COMMD1: variants seen among roughly 807,000 people sequenced by gnomAD.
The protein encoded by COMMD1 is copper metabolism domain containing 1.
COMMD1 carries 10 observed loss-of-function variants against 17.2 expected under a neutral mutation model. That is an observed-to-expected ratio of 0.58 (90% CI 0.36 to 0.99). COMMD1 has a LOEUF of 0.99. COMMD1 is among the 50% of genes least tolerant of loss of function. The pLI is 0.01. For missense variants in COMMD1, 270 were observed against 231.8 expected (o/e 1.17, Z -1.07); for synonymous variants, 97 against 91.6 (o/e 1.06, Z -0.34).
At chr2:61,979,705 C>A (rs777649195) in intron 1 of COMMD1, among the ~76,000 whole-genome samples, 1 of 151,990 alleles carries the variant, frequency 6.6e-6, no homozygotes, top group Non-Finnish European at 1.5e-5. Flanking sequence ...TTCTCTGTAT[C>A]CTCACCAGAA....
chr2:61,915,709 G>A (rs758676285), intron 1 of COMMD1: 19 of 453,134 alleles, frequency 4.2e-5, no homozygotes, highest in African/African-American at 2.4e-4. Flanking sequence ...ATCGTCCAGG[G>A]TGGTCTCAAA....
At chr2:62,114,588 G>A (rs1034574910) in intron 2 of COMMD1, among the ~76,000 whole-genome samples, 1 of 152,240 alleles carries the variant, frequency 6.6e-6, no homozygotes, top group East Asian at 1.9e-4. Flanking sequence ...AAGAGAGTTC[G>A]CACCTGAGCT....
intron 2 of COMMD1, among the ~76,000 whole-genome samples, chr2:62,014,296 G>A (rs868090579): frequency 1.3e-4 from 20 of 152,212 alleles, no homozygotes; most frequent in Middle Eastern, 6.8e-3. Context: ...GGACTTGGAA[G>A]CAATTTTTGG....
At chr2:62,096,591 C>T (rs1472360074) in intron 2 of COMMD1, among the ~76,000 whole-genome samples, 1 of 152,120 alleles carries the variant, frequency 6.6e-6, no homozygotes, top group African/African-American at 2.4e-5. Context: ...AGGGGTTGGG[C>T]ATTAAGGAGT....
At chr2:62,090,012 C>A (rs1418208172) in intron 2 of COMMD1, among the ~76,000 whole-genome samples, 1 of 147,714 alleles carries the variant, frequency 6.8e-6, no homozygotes, top group Admixed American at 6.8e-5. Flanking sequence ...ATTTGGATCA[C>A]TGGGAGAGGA....
chr2:62,107,644 G>T (rs1041630536), intron 2 of COMMD1, among the ~76,000 whole-genome samples: 27 of 152,158 alleles, frequency 1.8e-4, no homozygotes, highest in Non-Finnish European at 8.8e-5. Context: ...GAAAGAAATA[G>T]CCTCTTAGAG....
chr2:62,089,316 C>T (rs908846481), intron 2 of COMMD1, among the ~76,000 whole-genome samples: 64 of 145,968 alleles, frequency 4.4e-4, no homozygotes, highest in African/African-American at 1.5e-3. Flanking sequence ...AGTCGAGTCT[C>T]ACTCTGTTGC....
At chr2:62,083,724 T>A (rs1671588087) in intron 2 of COMMD1, among the ~76,000 whole-genome samples, 1 of 152,274 alleles carries the variant, frequency 6.6e-6, no homozygotes, top group African/African-American at 2.4e-5. Context: ...GTGAATTTTT[T>A]AACAAGTTTT....
chr2:62,080,088 T>C (rs1671475563), intron 2 of COMMD1, among the ~76,000 whole-genome samples: 1 of 152,212 alleles, frequency 6.6e-6, no homozygotes, highest in Non-Finnish European at 1.5e-5. Context: ...CTTGCTCTTG[T>C]ACCTACCTAT....
At chr2:62,009,674 C>T (rs1044766891) in intron 2 of COMMD1, among the ~76,000 whole-genome samples, 3 of 150,526 alleles carry the variant, frequency 2.0e-5, no homozygotes, top group African/African-American at 7.3e-5. Flanking sequence ...TGCTTTCACA[C>T]ACTTGTTAAA....
intron 2 of COMMD1, among the ~76,000 whole-genome samples, chr2:62,098,167 T>C (rs1573183145): frequency 6.7e-6 from 1 of 149,046 alleles, no homozygotes; most frequent in East Asian, 1.9e-4. Context: ...TCTTTCTTTT[T>C]TTTTTTTTTT....
In COMMD1 at chr2:62,065,338, CTTTTT is replaced by C. The variant is rs57243558; in HGVS notation, c.462+64378_462+64382del. 9.0e-5 allele frequency among the ~76,000 whole-genome samples: 4 copies of C among 44,376 alleles called. No individual in the cohort carries two copies. In the East Asian group the frequency reaches 2.4e-3, roughly 27 times the overall value. 29.1% of individuals were successfully genotyped at this position (44,376 alleles called of 152,430 possible). On this transcript the variant is annotated intron_variant, in intron 2 of 2. Coordinates refer to ENST00000311832, the MANE Select transcript of COMMD1 (RefSeq NM_152516.4). ...AATAGTGACATTTTATATGTACTTA[CTTTTT>C]TTTTTTTTTTTTTTTTTTTTTAGAT...
chr2:62,039,637 T>C (rs2103891795), intron 2 of COMMD1, among the ~76,000 whole-genome samples: 1 of 152,328 alleles, frequency 6.6e-6, no homozygotes, highest in South Asian at 2.1e-4. Context: ...TATGGAAATA[T>C]AGGAAAGCAC....
upstream of COMMD1, chr2:61,888,478 C>T: frequency 1.2e-6 from 2 of 1,612,026 alleles, no homozygotes; most frequent in South Asian, 2.2e-5. Flanking sequence ...CGGCAGTCGC[C>T]CCGCTCCGGG....
chr2:61,904,676 T>A (rs1368906500), upstream of COMMD1, among the ~76,000 whole-genome samples: 1 of 152,224 alleles, frequency 6.6e-6, no homozygotes, highest in Non-Finnish European at 1.5e-5. Context: ...TACAATTAGG[T>A]CATTAAATTG....
At chr2:62,046,685 A>G (rs1178708844) in intron 2 of COMMD1, among the ~76,000 whole-genome samples, 2 of 152,234 alleles carry the variant, frequency 1.3e-5, no homozygotes, top group South Asian at 2.1e-4. Flanking sequence ...TTTTGACAAG[A>G]TGATTCAGAG....
At chr2:61,984,635 C>G (rs867329606) in intron 1 of COMMD1, among the ~76,000 whole-genome samples, 5 of 152,248 alleles carry the variant, frequency 3.3e-5, no homozygotes, top group African/African-American at 1.2e-4. Flanking sequence ...TATTCTGTAG[C>G]CATTGGAGGA....
At chr2:61,948,536 AAT>A (rs1670971265) in intron 1 of COMMD1, among the ~76,000 whole-genome samples, 1 of 152,206 alleles carries the variant, frequency 6.6e-6, no homozygotes, top group South Asian at 2.1e-4. Flanking sequence ...AAAAGCAGAG[AAT>A]ATTATGACTT....
chr2:62,071,528 G>T (rs535327275), intron 2 of COMMD1, among the ~76,000 whole-genome samples: 2 of 152,196 alleles, frequency 1.3e-5, no homozygotes, highest in South Asian at 2.1e-4. Flanking sequence ...TACCCAGGCC[G>T]TATTCAAGAT....
Sources: allele counts gnomAD v4.1 joint callset (sites outside exome capture counted in the v4.1 genomes callset), GRCh38; gene constraint gnomAD v4.1.1; transcripts MANE v1.5; gene names NCBI Gene and HGNC (gene_info 2026-07-23, HGNC 2026-07-21).